Variants in SH3YL1 observed in about 807,000 individuals in gnomAD.
The protein encoded by SH3YL1 is SH3 and SYLF domain containing 1.
A neutral mutation model predicts 45.8 loss-of-function variants in SH3YL1; 41 were observed. The ratio of observed to expected loss-of-function variants is 0.89; its 90% CI spans 0.70 to 1.16. The LOEUF is 1.16. Among genes scored for constraint, SH3YL1 ranks in the 50% most tolerant of loss-of-function variants. SH3YL1 has a pLI of 0.00. For missense variants in SH3YL1, 389 were observed against 409.6 expected (o/e 0.95, Z 0.43); for synonymous variants, 152 against 151.4 (o/e 1.00, Z -0.03).
chr2:220,954 C>A (rs759150718), intron 9 of SH3YL1, among the ~76,000 whole-genome samples: 6 of 152,126 alleles, frequency 3.9e-5, no homozygotes, highest in Non-Finnish European at 5.9e-5. Flanking sequence ...TTTATAAAAT[C>A]AAAAATGCAT....
rs1668997435 is a variant in SH3YL1 at position 249,805 on chromosome 2, G to A, written c.152C>T (p.Ser51Phe). Residue 51 changes from serine to phenylalanine, a missense_variant, in exon 3 of 10, where the codon TCT becomes TTT. Physicochemically the swap from Ser to Phe is radical, Grantham distance 155. Transcript: ENST00000356150. ...CACCAGGAACCCGGCTTTGATCACA[G>A]ACAGAATTGCAAGGCCTTTAGCCTT... The part of the protein sequence containing the change: ...IAKAKGLAIL[S>F]VIKAGFLVTA... 6.4e-7 allele frequency: 1 copy of A among 1,551,922 alleles called. No individual in the cohort carries two copies. Among genetic ancestry groups the A allele is most frequent in the Non-Finnish European group, 8.7e-7 (1 of 1,147,042 alleles).
Position 249,775 on chromosome 2 carries a change from G to A in SH3YL1, c.182C>T (p.Ala61Val). Residue 61 changes from alanine (A) to valine (V), a missense_variant, in exon 3 of 10, where the codon GCC becomes GTC. Physicochemically the swap from Ala to Val is moderately conservative, Grantham distance 64 (BLOSUM62 0). Coordinates refer to ENST00000356150, the MANE Select transcript of SH3YL1 (RefSeq NM_015677.4). ...CACTACAATCCCGCTGCCTCCTCTG[G>A]CAGTCACCAGGAACCCGGCTTTGAT... The part of the protein sequence containing the change: ...SVIKAGFLVT[A>V]RGGSGIVVAR... 1 of 1,551,908 alleles carries A rather than the reference G, an allele frequency of 6.4e-7. No homozygotes were observed. Among genetic ancestry groups the A allele is most frequent in the Non-Finnish European group, 8.7e-7 (1 of 1,147,030 alleles).
At chr2:224,665 C>G (rs1667718207) in intron 9 of SH3YL1, among the ~76,000 whole-genome samples, 199 bp downstream of exon 9, 1 of 152,208 alleles carries the variant, frequency 6.6e-6, no homozygotes, top group African/African-American at 2.4e-5. Flanking sequence ...TCCTATCACC[C>G]TCATTACCTT....
rs2103012691 is a variant in SH3YL1, at chr2:218,570, T to C, written c.*241A>G. 2 of 388,780 alleles carry C rather than the reference T, an allele frequency of 5.1e-6. No homozygotes were observed. The highest frequency in any genetic ancestry group is 4.1e-5 in the East Asian group (1 of 24,438). The allele number at this position is 388,780 out of a possible 1,614,324, so 24.1% of individuals were successfully genotyped here. A position where few individuals can be genotyped will look rare whatever the true frequency, so the allele number is the denominator to read the frequency against. On this transcript the variant is annotated 3_prime_UTR_variant, in exon 10 of 10. Transcript: ENST00000356150. ...GTTTGAAGTGTTCACAAGAGAACTATGAGCGTATAAACTGTATGATATTCT... is the reference window on the plus strand; with the variant it reads ...GTTTGAAGTGTTCACAAGAGAACTACGAGCGTATAAACTGTATGATATTCT...
Position 263,966 on chromosome 2 carries a change from G to C in SH3YL1, c.1+18C>G. On this transcript the variant is annotated intron_variant, in intron 1 of 9. Transcript: ENST00000356150. ...GAGGGGAGGGTGCTGCCGGACAGGTGGGTCCCCGGGTACTCACTGCTGCCC... is the reference window on the plus strand; with the variant it reads ...GAGGGGAGGGTGCTGCCGGACAGGTCGGTCCCCGGGTACTCACTGCTGCCC... 4.7e-6 allele frequency: 7 copies of C among 1,502,704 alleles called. No individual in the cohort carries two copies. Among genetic ancestry groups the C allele is most frequent in the Non-Finnish European group, 6.2e-6 (7 of 1,121,546 alleles). 93.1% of individuals were successfully genotyped at this position (1,502,704 alleles called of 1,614,324 possible). A position where few individuals can be genotyped will look rare whatever the true frequency, so the allele number is the denominator to read the frequency against.
Position 218,632 on chromosome 2 carries a change from T to C in SH3YL1, c.*179A>G, listed in dbSNP as rs1321344840. On this transcript the variant is annotated 3_prime_UTR_variant, in exon 10 of 10. Transcript: ENST00000356150. ...AGTGTGATAAAGTTAGTACAAAGTA[T>C]TTAAAGATATGTCAGTCAGCTCTTT... 1.7e-6 allele frequency: 1 copy of C among 573,436 alleles called. No homozygotes were observed. Among genetic ancestry groups the C allele is most frequent in the Non-Finnish European group, 3.0e-6 (1 of 329,520 alleles). 35.5% of individuals were successfully genotyped at this position (573,436 alleles called of 1,614,324 possible). A position where few individuals can be genotyped will look rare whatever the true frequency, so the allele number is the denominator to read the frequency against.
At chr2:223,652 T>C (rs1316949559) in intron 9 of SH3YL1, among the ~76,000 whole-genome samples, 2 of 152,222 alleles carry the variant, frequency 1.3e-5, no homozygotes, top group African/African-American at 4.8e-5. Context: ...CAGCCTGTAA[T>C]GTGGGTGTGA....
intron 9 of SH3YL1, chr2:222,451 C>T (rs1572138271): frequency 6.6e-6 from 1 of 152,314 alleles, no homozygotes; most frequent in African/African-American, 2.4e-5. Flanking sequence ...TTGCTAAGCA[C>T]CCTATGAGGC....
chr2:233,272 C>G (rs1248856721), intron 5 of SH3YL1, 43 bp from the exon 6 acceptor site: 1 of 1,486,402 alleles, frequency 6.7e-7, no homozygotes, highest in Non-Finnish European at 9.0e-7. Context: ...GTGAGCAGCT[C>G]CAAGCCGAGG....
At chr2:242,685 A>T in intron 4 of SH3YL1, 10 of 1,324,710 alleles carry the variant, frequency 7.5e-6, no homozygotes, top group Middle Eastern at 2.3e-4. Flanking sequence ...AATGAATTAA[A>T]CAACCAAATA....
At chr2:230,896 G>A in intron 7 of SH3YL1, 127 bp downstream of exon 7, 1 of 841,250 alleles carries the variant, frequency 1.2e-6, no homozygotes, top group Non-Finnish European at 2.0e-6. Context: ...CTTTTCACAA[G>A]AATGTGAAGT....
chr2:243,362 C>A, intron 4 of SH3YL1: 1 of 847,716 alleles, frequency 1.2e-6, no homozygotes, highest in Non-Finnish European at 1.7e-6. Flanking sequence ...AATTTGAAAT[C>A]AAGGACAAGA....
intron 1 of SH3YL1, chr2:263,641 C>T (rs1305863094): frequency 3.5e-6 from 1 of 283,290 alleles, no homozygotes. Flanking sequence ...GCGCATTCGA[C>T]CCAAACTTCA....
intron 6 of SH3YL1, among the ~76,000 whole-genome samples, chr2:231,980 C>T (rs1014458382): frequency 5.3e-5 from 8 of 152,066 alleles, no homozygotes; most frequent in Admixed American, 2.6e-4. Flanking sequence ...CGGATAGTGG[C>T]GGGTCTGTCT....
chr2:225,532 G>A (rs1039354596), intron 8 of SH3YL1, among the ~76,000 whole-genome samples: 2 of 152,186 alleles, frequency 1.3e-5, no homozygotes, highest in African/African-American at 2.4e-5. Context: ...CAGTCTCTGC[G>A]TACTCCTAAA....
Position 231,034 on chromosome 2 carries a change from T to A in SH3YL1, c.691A>T (p.Arg231Trp). Residue 231 changes from arginine (R) to tryptophan (W), a missense_variant, in exon 7 of 10, where the codon AGG becomes TGG. Transcript: ENST00000356150. ...INARKAAREQ[R>W]KSSAKELPPK... ...AAACCAAACGGTACAGAAGACTTCC[T>A]CTGCTCCCTTGCTGCTTTTCTTGCA... The A allele has an allele frequency of 6.2e-7, 1 of 1,614,090 alleles. No homozygotes were observed. Among genetic ancestry groups the A allele is most frequent in the Non-Finnish European group, 8.5e-7 (1 of 1,179,988 alleles).
chr2:251,853 T>G (rs1172237966), intron 2 of SH3YL1, among the ~76,000 whole-genome samples: 3 of 152,262 alleles, frequency 2.0e-5, no homozygotes, highest in African/African-American at 7.2e-5. Flanking sequence ...TTTAAAGCAT[T>G]AAAGTTCTAT....
chr2:262,639 A>C, intron 1 of SH3YL1: 1 of 1,304,316 alleles, frequency 7.7e-7, no homozygotes. Flanking sequence ...ACTGGCAAAC[A>C]AGCTGGCGTG....
intron 1 of SH3YL1, among the ~76,000 whole-genome samples, chr2:255,629 G>A (rs1669287245): frequency 6.6e-6 from 1 of 152,154 alleles, no homozygotes; most frequent in Admixed American, 6.5e-5. Flanking sequence ...AGTGAAAACT[G>A]ACTTAGGGTC....
Sources: gnomAD v4.1 joint callset for allele counts (sites outside exome capture counted in the v4.1 genomes callset) on GRCh38, gnomAD v4.1.1 for gene constraint, MANE v1.5 for transcripts, NCBI Gene and HGNC (gene_info 2026-07-23, HGNC 2026-07-21) for gene names.